LRP1B: variants seen among roughly 807,000 people sequenced by gnomAD.
LRP1B encodes LDL receptor related protein 1B.
In LRP1B, 217 loss-of-function variants were observed where a neutral mutation model predicts 556.6. That is an observed-to-expected ratio of 0.39 (90% CI 0.35 to 0.44). LRP1B has a LOEUF of 0.44. Among genes scored for constraint, LRP1B ranks in the 20% least tolerant of loss-of-function variants. LRP1B has a pLI of 1.00. For missense variants in LRP1B, 5,053 were observed against 5,620.8 expected (o/e 0.90, Z 3.23); for synonymous variants, 2,047 against 1,865.8 (o/e 1.10, Z -2.50).
At chr2:140,862,229 C>T (rs1692820563) in intron 27 of LRP1B, among the ~76,000 whole-genome samples, 1 of 151,988 alleles carries the variant, frequency 6.6e-6, no homozygotes, top group Non-Finnish European at 1.5e-5. Context: ...GGCCTAAAGG[C>T]TAATACTGGC....
intron 3 of LRP1B, among the ~76,000 whole-genome samples, chr2:141,265,705 ATG>A (rs142074969): frequency 2.6e-5 from 4 of 151,760 alleles, no homozygotes; most frequent in African/African-American, 7.3e-5. Flanking sequence ...AATGAGATAG[ATG>A]TGTGTGTGTG....
At chr2:141,685,984 C>T (rs1287667017) in intron 2 of LRP1B, among the ~76,000 whole-genome samples, 1 of 152,032 alleles carries the variant, frequency 6.6e-6, no homozygotes, top group Non-Finnish European at 1.5e-5. Context: ...TCTCAGGTAA[C>T]ATCACATGTT....
intron 1 of LRP1B, among the ~76,000 whole-genome samples, chr2:142,046,796 A>C (rs1173028542): frequency 6.6e-6 from 1 of 152,026 alleles, no homozygotes; most frequent in Non-Finnish European, 1.5e-5. Context: ...CATCTTACAG[A>C]AGTAGGCAGC....
chr2:141,634,417 C>T (rs190477878), intron 2 of LRP1B, among the ~76,000 whole-genome samples: 19 of 151,790 alleles, frequency 1.3e-4, no homozygotes, highest in African/African-American at 3.6e-4. Context: ...TAGAATATTG[C>T]CAAGTTCAAG....
At chr2:140,534,871 A>G (rs1284285041) in intron 46 of LRP1B, among the ~76,000 whole-genome samples, 2 of 152,274 alleles carry the variant, frequency 1.3e-5, no homozygotes, top group East Asian at 3.9e-4. Context: ...GTGGAAAACC[A>G]AAACACAGAG....
intron 49 of LRP1B, among the ~76,000 whole-genome samples, chr2:140,518,661 T>G (rs866458812): frequency 1.3e-5 from 2 of 152,144 alleles, no homozygotes; most frequent in Non-Finnish European, 2.9e-5. Context: ...CCCTTGTAAG[T>G]TGGATTCCTA....
intron 41 of LRP1B, among the ~76,000 whole-genome samples, chr2:140,611,619 A>G (rs1322248394): frequency 1.3e-5 from 2 of 152,156 alleles, no homozygotes; most frequent in East Asian, 1.9e-4. Context: ...AAGAAACATA[A>G]GAGATGAATA....
chr2:141,318,277 G>A (rs1290358609), intron 3 of LRP1B, among the ~76,000 whole-genome samples: 1 of 151,996 alleles, frequency 6.6e-6, no homozygotes, highest in Non-Finnish European at 1.5e-5. Context: ...AATGTGCTAT[G>A]GATACAAACA....
At chr2:141,648,452 T>G (rs1037278811) in intron 2 of LRP1B, among the ~76,000 whole-genome samples, 1 of 152,196 alleles carries the variant, frequency 6.6e-6, no homozygotes, top group African/African-American at 2.4e-5. Flanking sequence ...CTAATTCCCC[T>G]CCTTTTCCCA....
chr2:141,916,013 C>G (rs977440888), intron 1 of LRP1B, among the ~76,000 whole-genome samples: 1 of 152,162 alleles, frequency 6.6e-6, no homozygotes, highest in Admixed American at 6.6e-5. Flanking sequence ...CTATGGAAAT[C>G]TTGGATACGT....
At chr2:141,984,080 A>AAATG (rs1702117771) in intron 1 of LRP1B, among the ~76,000 whole-genome samples, 1 of 152,154 alleles carries the variant, frequency 6.6e-6, no homozygotes, top group East Asian at 1.9e-4. Context: ...ATAAATAAAT[A>AAATG]AAAAGCCCAT....
At chr2:141,092,736 A>G (rs1005257388) in intron 7 of LRP1B, among the ~76,000 whole-genome samples, 1 of 152,194 alleles carries the variant, frequency 6.6e-6, no homozygotes, top group Non-Finnish European at 1.5e-5. Flanking sequence ...AAGTCAAGTG[A>G]AGGAAGTGTT....
rs575321466 is a variant in LRP1B at position 142,113,987 on chromosome 2, A to C, written c.82+16661T>G. 1.1e-4 allele frequency among the ~76,000 whole-genome samples: 17 copies of C among 152,200 alleles called. 1 individual carries two copies. The South Asian group carries it at 3.3e-3, about 30-fold the overall frequency. On this transcript the variant is annotated intron_variant, in intron 1 of 90. Coordinates refer to ENST00000389484, the MANE Select transcript of LRP1B (RefSeq NM_018557.3). ...GGATCTCTTTCTATAGAGCAGTATGAACAGCCACCACCAATTGGTCATGAC... is the reference window on the plus strand; with the variant it reads ...GGATCTCTTTCTATAGAGCAGTATGCACAGCCACCACCAATTGGTCATGAC...
chr2:140,639,667 G>A (rs1248272066), intron 41 of LRP1B, among the ~76,000 whole-genome samples: 5 of 152,062 alleles, frequency 3.3e-5, no homozygotes, highest in African/African-American at 1.2e-4. Context: ...TTTTCTCCAT[G>A]CAAGAAGCAG....
chr2:141,651,258 G>C (rs1422196810), intron 2 of LRP1B, among the ~76,000 whole-genome samples: 1 of 152,036 alleles, frequency 6.6e-6, no homozygotes, highest in African/African-American at 2.4e-5. Context: ...ATCTATAAAA[G>C]TAAAATGAAA....
chr2:140,488,134 T>C (rs1158917591), intron 57 of LRP1B, among the ~76,000 whole-genome samples: 1 of 151,964 alleles, frequency 6.6e-6, no homozygotes. Context: ...GAAAAAAGCA[T>C]ATATCTAAAT....
intron 21 of LRP1B, among the ~76,000 whole-genome samples, chr2:140,920,746 T>C (rs1164183054): frequency 6.6e-6 from 1 of 152,042 alleles, no homozygotes; most frequent in Non-Finnish European, 1.5e-5. Context: ...GGATAAATTA[T>C]TACCTTTCAC....
At chr2:141,113,720 A>C (rs2104974031) in intron 7 of LRP1B, among the ~76,000 whole-genome samples, 1 of 149,898 alleles carries the variant, frequency 6.7e-6, no homozygotes, top group South Asian at 2.2e-4. Flanking sequence ...CAGAAAAATT[A>C]TTTTAATGTT....
In LRP1B at chr2:140,442,497, C is replaced by G. The variant is rs1465491517; in HGVS notation, c.10414+7G>C. 2 of 1,610,284 alleles carry G rather than the reference C, an allele frequency of 1.2e-6. No homozygotes were observed. Reference sequence around the variant, plus strand: ...GAGAGATAAGACCCAGAGTCACAGACACTCACCGCAGTTGGCCTCGTCTGA... The same window carrying G: ...GAGAGATAAGACCCAGAGTCACAGAGACTCACCGCAGTTGGCCTCGTCTGA... On this transcript the variant is annotated splice_region_variant and intron_variant, in intron 66 of 90. Coordinates refer to ENST00000389484, the MANE Select transcript of LRP1B (RefSeq NM_018557.3).
Sources: gnomAD v4.1 joint callset for allele counts (sites outside exome capture counted in the v4.1 genomes callset) on GRCh38, gnomAD v4.1.1 for gene constraint, MANE v1.5 for transcripts, NCBI Gene and HGNC (gene_info 2026-07-23, HGNC 2026-07-21) for gene names.